TASOR2: variants seen among roughly 807,000 people sequenced by gnomAD.
TASOR2 encodes the protein transcription activation suppressor family member 2.
In TASOR2, 84 loss-of-function variants were observed where a neutral mutation model predicts 199.5. The ratio of observed to expected loss-of-function variants is 0.42; its 90% CI spans 0.35 to 0.50. TASOR2 has a LOEUF of 0.50. Among genes scored for constraint, TASOR2 ranks in the 20% least tolerant of loss-of-function variants. The pLI is 0.02. For missense variants in TASOR2, 2,796 were observed against 2,835.9 expected (o/e 0.99, Z 0.32); for synonymous variants, 1,103 against 1,046.6 (o/e 1.05, Z -1.04).
chr10:5,732,482 G>A (rs1429498471), intron 11 of TASOR2, among the ~76,000 whole-genome samples: 1 of 152,244 alleles, frequency 6.6e-6, no homozygotes, highest in Non-Finnish European at 1.5e-5. Flanking sequence ...GGTGCCTAAA[G>A]AAGAAACGTC....
exon 15 of TASOR2, chr10:5,749,326 G>T: frequency 1.2e-6 from 2 of 1,614,196 alleles, no homozygotes; most frequent in Non-Finnish European, 1.7e-6. Flanking sequence ...GGTGGCAGAC[G>T]ACCTCACCCA....
Position 5,748,852 on chromosome 10 carries a change from G to A in TASOR2, c.5431G>A (p.Gly1811Ser), listed in dbSNP as rs753460199. ...GGCTGAGGCTGGTTCTGAAACCCTA[G>A]GCAGAGATGGAGAGGTCGGTGTGAA... Residue 1811 changes from glycine (G) to serine (S), a missense_variant, in exon 15 of 21, where the codon GGC becomes AGC. Physicochemically the swap from Gly to Ser is moderately conservative, Grantham distance 56. Around this residue, in one of 3 missense-constraint regions of TASOR2, gnomAD observed 1,941 missense variants for 1,924.9 expected, o/e 1.01. Transcript: ENST00000328090. This position sits in a 1 kb window ranked among gnomAD's most constrained non-coding sequence, Gnocchi z 5.1. The A allele has an allele frequency of 1.2e-6, 2 of 1,614,200 alleles. No homozygotes were observed. The highest frequency in any genetic ancestry group is 1.1e-5 in the South Asian group (1 of 91,084).
rs546940747 is a variant in TASOR2, at chr10:5,701,114, T to G, written c.-287-11709T>G. Among the ~76,000 whole-genome samples, 3 of 152,136 alleles carry G rather than the reference T, an allele frequency of 2.0e-5. No homozygotes were observed. Among genetic ancestry groups the G allele is most frequent in the Non-Finnish European group, 4.4e-5 (3 of 68,000 alleles). ...TTTTCTTCTGGTAGTTTCATAGTTT[T>G]GGGTCTTAGATGCTTAGATGTAAGT... On this transcript the variant is annotated intron_variant, in intron 1 of 20. Transcript: ENST00000328090. The surrounding 1 kb of genome is among the most constrained non-coding windows in gnomAD (Gnocchi z 4.9).
At position 5,725,116 on chromosome 10, in the gene TASOR2, A is replaced by G. The variant is rs769965378; in HGVS notation, c.351+583A>G. Among the ~76,000 whole-genome samples, 16 of 152,154 alleles carry G rather than the reference A, an allele frequency of 1.1e-4. 1 individual carries two copies. The highest frequency in any genetic ancestry group is 7.2e-4 in the Admixed American group (11 of 15,272). On this transcript the variant is annotated intron_variant, in intron 8 of 20. Transcript: ENST00000328090. The stretch of plus-strand genomic sequence containing the variant: ...GATACACTGGACAAAGGGATGATTC[A>G]CGGCCAGGCGTGGTGGTTCACGCCT...
chr10:5,758,815 T>C (rs779799412), intron 17 of TASOR2, 72 bp from the exon 19 acceptor site: 381 of 1,066,244 alleles, frequency 3.6e-4, no homozygotes, highest in Non-Finnish European at 5.0e-4. Flanking sequence ...CAAATAATTA[T>C]CACTGGGCTT....
rs1833182160 is a variant in TASOR2, at chr10:5,720,197, A to G, written c.-99-347A>G. The stretch of plus-strand genomic sequence containing the variant: ...TCCTTGTTAGACTACTTCTAAATGA[A>G]TCCTAGAGTAAAGGTTATTGCTATT... On this transcript the variant is annotated intron_variant, in intron 3 of 20. Transcript: ENST00000328090. The surrounding 1 kb of genome is among the most constrained non-coding windows in gnomAD (Gnocchi z 5.3). 1.1e-6 allele frequency: 1 copy of G among 910,592 alleles called. No homozygotes were observed. The highest frequency in any genetic ancestry group is 1.3e-6 in the Non-Finnish European group (1 of 761,714). 56.4% of individuals were successfully genotyped at this position (910,592 alleles called of 1,614,324 possible). A position where few individuals can be genotyped will look rare whatever the true frequency, so the allele number is the denominator to read the frequency against.
intron 1 of TASOR2, among the ~76,000 whole-genome samples, chr10:5,692,149 CA>C (rs3047334): frequency 0.023 from 2,614 of 112,236 alleles, 60 homozygotes; most frequent in Middle Eastern, 0.055. Flanking sequence ...CACTCTGTCT[CA>C]AAAAAAAAAA....
chr10:5,724,177 G>A (rs1833731035), intron 7 of TASOR2, among the ~76,000 whole-genome samples: 1 of 61,040 alleles, frequency 1.6e-5, no homozygotes, highest in African/African-American at 7.1e-5. Context: ...GAGCACTGAT[G>A]TTTATTCATG....
At chr10:5,712,870 A>C (rs1270458514) in exon 2 of TASOR2, 1 of 1,231,474 alleles carries the variant, frequency 8.1e-7, no homozygotes. Flanking sequence ...ATACTCAGGA[A>C]GAACTTCAAG....
At chr10:5,688,642 CAT>C (rs924971705) in intron 1 of TASOR2, among the ~76,000 whole-genome samples, 9 of 152,122 alleles carry the variant, frequency 5.9e-5, no homozygotes, top group African/African-American at 9.7e-5. Context: ...TTTACCTACA[CAT>C]GTGTCATTTG....
At chr10:5,759,852 C>T (rs963145365) in intron 18 of TASOR2, among the ~76,000 whole-genome samples, 4 of 152,190 alleles carry the variant, frequency 2.6e-5, no homozygotes, top group Non-Finnish European at 5.9e-5. Flanking sequence ...AAGGAGGGTG[C>T]AAAGGCTTCA....
At chr10:5,758,816 C>A in intron 17 of TASOR2, 71 bp from the exon 19 acceptor site, 1 of 1,075,980 alleles carries the variant, frequency 9.3e-7, no homozygotes, top group Non-Finnish European at 1.4e-6. Context: ...AAATAATTAT[C>A]ACTGGGCTTG....
At chr10:5,759,024 G>A in intron 18 of TASOR2, 32 bp downstream of exon 19, 1 of 1,502,872 alleles carries the variant, frequency 6.7e-7, no homozygotes, top group Non-Finnish European at 9.2e-7. Flanking sequence ...GGTTCCTCCT[G>A]CCCTGCTGGG....
chr10:5,685,239 C>G lies in TASOR2; in HGVS notation c.-288+64C>G, dbSNP rs7091641. On this transcript the variant is annotated intron_variant, in intron 1 of 20. Coordinates refer to ENST00000328090, the Ensembl canonical transcript of TASOR2. This position sits in a 1 kb window ranked among gnomAD's most constrained non-coding sequence, Gnocchi z 5.4. ...GAGGAGGACGGCGGGTCCCCGAGGC[C>G]GAGCGCTCGGGCAGCTGCCGGGGCT... 4 of 397,024 alleles carry G rather than the reference C, an allele frequency of 1.0e-5. No homozygotes were observed. Among genetic ancestry groups the G allele is most frequent in the Non-Finnish European group, 1.8e-5 (4 of 225,182 alleles). The allele number at this position is 397,024 out of a possible 1,614,324, so 24.6% of individuals were successfully genotyped here.
At chr10:5,688,541 C>T (rs1467096306) in intron 1 of TASOR2, among the ~76,000 whole-genome samples, 4 of 150,994 alleles carry the variant, frequency 2.6e-5, no homozygotes, top group Non-Finnish European at 5.9e-5. Flanking sequence ...ATTTGTTAAA[C>T]GTTAGCTGCA....
chr10:5,761,579 TC>T, intron 19 of TASOR2, 108 bp downstream of exon 20: 8 of 934,228 alleles, frequency 8.6e-6, no homozygotes, highest in Non-Finnish European at 1.1e-5. Flanking sequence ...TGGCTTGGCA[TC>T]CCATGGATAC....
In TASOR2 at chr10:5,702,661, T is replaced by TG. The variant is rs1491112098; in HGVS notation, c.-287-10160dup. 1.4e-4 allele frequency among the ~76,000 whole-genome samples: 12 copies of TG among 86,830 alleles called. 1 individual carries two copies. Among genetic ancestry groups the TG allele is most frequent in the Admixed American group, 1.1e-3 (9 of 8,510 alleles). The allele number at this position is 86,830 out of a possible 152,430, so 57.0% of individuals were successfully genotyped here. A position where few individuals can be genotyped will look rare whatever the true frequency, so the allele number is the denominator to read the frequency against. ...TTTTTTTTTTTTTTTTTTTTTTTTT[T>TG]GGTAAGTAAGGATAGATACGACAGC... On this transcript the variant is annotated intron_variant, in intron 1 of 20. Coordinates refer to ENST00000328090, the Ensembl canonical transcript of TASOR2.
chr10:5,735,291 T>C lies in TASOR2; in HGVS notation c.1205-13T>C. ...CCCTACCCCTTACAAAAATGATGTC[T>C]TTTCTACATAAGGTGCGGAAGTGCT... On this transcript the variant is annotated splice_polypyrimidine_tract_variant and intron_variant, in intron 11 of 20. Coordinates refer to ENST00000328090, the Ensembl canonical transcript of TASOR2. The C allele has an allele frequency of 6.2e-7, 1 of 1,607,670 alleles. No homozygotes were observed. The highest frequency in any genetic ancestry group is 8.5e-7 in the Non-Finnish European group (1 of 1,178,180).
rs1456616702 is a variant in TASOR2 at position 5,690,014 on chromosome 10, A to G, written c.-288+4839A>G. On this transcript the variant is annotated intron_variant, in intron 1 of 20. Transcript: ENST00000328090. This position sits in a 1 kb window ranked among gnomAD's most constrained non-coding sequence, Gnocchi z 4.8. ...ACCAATGTTGGTAAATTATATTTTT[A>G]TAGTTTTCAGATTTATTGATATAAA... is the stretch of plus-strand genomic sequence containing the variant. Among the ~76,000 whole-genome samples the G allele has an allele frequency of 1.3e-5, 2 of 152,080 alleles. No homozygotes were observed. Among genetic ancestry groups the G allele is most frequent in the Admixed American group, 6.5e-5 (1 of 15,278 alleles).
Sources: gnomAD v4.1 joint callset for allele counts (sites outside exome capture counted in the v4.1 genomes callset) on GRCh38, gnomAD v4.1.1 for gene constraint, gnomAD v4.1.1 regional missense constraint, Gnocchi (gnomAD v3.1) non-coding constraint, MANE v1.5 for transcripts, NCBI Gene and HGNC (gene_info 2026-07-23, HGNC 2026-07-21) for gene names.